The following HEMK2 variants were observed in gnomAD, a reference collection of about 807,000 sequenced individuals.
The protein encoded by HEMK2 is methyltransferase HEMK2.
chr21:28,808,960 G>C, the HEMK2 span, among the ~76,000 whole-genome samples: 1 of 152,134 alleles, frequency 6.6e-6, no homozygotes, highest in African/African-American at 2.4e-5. Flanking sequence ...AAGAACAACA[G>C]ATTAAAACTG....
At chr21:28,611,730 A>G in the HEMK2 span, among the ~76,000 whole-genome samples, 1 of 152,064 alleles carries the variant, frequency 6.6e-6, no homozygotes, top group Admixed American at 6.6e-5. Context: ...CAACATGGCA[A>G]AACCTCATCT....
the HEMK2 span, among the ~76,000 whole-genome samples, chr21:28,868,518 A>C: frequency 6.6e-6 from 1 of 152,090 alleles, no homozygotes; most frequent in Non-Finnish European, 1.5e-5. Context: ...CCCCGTCTCT[A>C]CTAAAAATAC....
chr21:28,858,792 C>T, the HEMK2 span, among the ~76,000 whole-genome samples: 3 of 152,154 alleles, frequency 2.0e-5, no homozygotes, highest in African/African-American at 7.2e-5. Flanking sequence ...AGTTCAATGT[C>T]ACAGGGAGCT....
At chr21:28,810,046 C>G in the HEMK2 span, among the ~76,000 whole-genome samples, 5 of 152,176 alleles carry the variant, frequency 3.3e-5, no homozygotes, top group African/African-American at 1.2e-4. Flanking sequence ...CCTGGAGCCT[C>G]CATGGCCATG....
At chr21:28,835,355 C>T in the HEMK2 span, among the ~76,000 whole-genome samples, 1 of 152,136 alleles carries the variant, frequency 6.6e-6, no homozygotes, top group Non-Finnish European at 1.5e-5. Flanking sequence ...CCCAGAACTG[C>T]GTAGACTCAC....
the HEMK2 span, among the ~76,000 whole-genome samples, chr21:28,674,446 T>G: frequency 6.6e-6 from 1 of 152,146 alleles, no homozygotes; most frequent in South Asian, 2.1e-4. Context: ...GACCCCCTTC[T>G]GGTAACAGCA....
chr21:28,576,729 A>G, the HEMK2 span, among the ~76,000 whole-genome samples: 3 of 151,900 alleles, frequency 2.0e-5, no homozygotes, highest in Middle Eastern at 6.8e-3. Flanking sequence ...TTGTTTTTTG[A>G]GATGGAGTCC....
At chr21:28,600,125 T>C in the HEMK2 span, among the ~76,000 whole-genome samples, 20,766 of 152,234 alleles carry the variant, frequency 0.14, 1,487 homozygotes, top group Middle Eastern at 0.18. Context: ...ATGGCCCTCT[T>C]TTCACAGCTT....
At chr21:28,692,308 A>T in the HEMK2 span, among the ~76,000 whole-genome samples, 1 of 152,146 alleles carries the variant, frequency 6.6e-6, no homozygotes, top group African/African-American at 2.4e-5. Flanking sequence ...AAAGAGATAC[A>T]ATCAGGGACA....
the HEMK2 span, among the ~76,000 whole-genome samples, chr21:28,593,441 T>C: frequency 2.6e-5 from 4 of 152,190 alleles, no homozygotes; most frequent in Non-Finnish European, 4.4e-5. Flanking sequence ...GCTCTGATAG[T>C]TGAAAGAAGT....
chr21:28,760,797 A>T, the HEMK2 span, among the ~76,000 whole-genome samples: 2 of 152,178 alleles, frequency 1.3e-5, no homozygotes, highest in African/African-American at 4.8e-5. Context: ...CACTGAATTA[A>T]CAGTGTTTTG....
chr21:28,836,923 A>C, the HEMK2 span, among the ~76,000 whole-genome samples: 3 of 152,222 alleles, frequency 2.0e-5, no homozygotes, highest in Non-Finnish European at 4.4e-5. Context: ...GACAAAGAGA[A>C]ACATTATATA....
At chr21:28,601,479 C>T in the HEMK2 span, among the ~76,000 whole-genome samples, 23,361 of 152,064 alleles carry the variant, frequency 0.15, 1,991 homozygotes, top group African/African-American at 0.22. Flanking sequence ...ATCCTCCAGT[C>T]GAGACTTTCT....
the HEMK2 span, among the ~76,000 whole-genome samples, chr21:28,750,630 G>A: frequency 1.3e-5 from 2 of 149,016 alleles, no homozygotes; most frequent in Non-Finnish European, 3.0e-5. Context: ...GAACCCAGGA[G>A]GTAGAGGTTG....
chr21:28,845,887 T>G, the HEMK2 span, among the ~76,000 whole-genome samples: 3 of 152,116 alleles, frequency 2.0e-5, no homozygotes, highest in South Asian at 2.1e-4. Flanking sequence ...ATAGATAATT[T>G]TGTCACCCAG....
At chr21:28,851,287 C>T in the HEMK2 span, among the ~76,000 whole-genome samples, 1 of 152,294 alleles carries the variant, frequency 6.6e-6, no homozygotes, top group East Asian at 1.9e-4. Flanking sequence ...ACACCTCAAG[C>T]ACCATTGGAT....
chr21:28,794,756 G>T, the HEMK2 span, among the ~76,000 whole-genome samples: 1 of 152,180 alleles, frequency 6.6e-6, no homozygotes, highest in Non-Finnish European at 1.5e-5. Flanking sequence ...AATGGGACTG[G>T]GCACCAGATG....
the HEMK2 span, among the ~76,000 whole-genome samples, chr21:28,864,819 A>AT: frequency 3.9e-3 from 335 of 85,590 alleles, 4 homozygotes; most frequent in Admixed American, 0.026. Flanking sequence ...AGACAGACAG[A>AT]CAGATAGATA....
chr21:28,873,931 A>T, the HEMK2 span: 1 of 152,260 alleles, frequency 6.6e-6, no homozygotes, highest in South Asian at 2.1e-4. Context: ...CAGGGCTAAT[A>T]GCGAATGGTG....
Sources: gnomAD v4.1 joint callset for allele counts (sites outside exome capture counted in the v4.1 genomes callset) on GRCh38, gnomAD v4.1.1 for gene constraint, MANE v1.5 for transcripts, NCBI Gene and HGNC (gene_info 2026-07-23, HGNC 2026-07-21) for gene names.